C1orf167: variants seen among roughly 807,000 people sequenced by gnomAD.
C1orf167 encodes chromosome 1 open reading frame 167.
In C1orf167, 153 loss-of-function variants were observed where a neutral mutation model predicts 176.5. That is an observed-to-expected ratio of 0.87 (90% confidence interval 0.76 to 0.99). The LOEUF (loss-of-function observed/expected upper bound fraction) is 0.99, where lower values mean the gene tolerates loss of function less well. Ranked by LOEUF, C1orf167 falls within the 50% of genes least tolerant of loss-of-function variation. C1orf167 has a pLI of 0.00. For missense variants in C1orf167, 1,490 were observed against 1,817.7 expected, an observed-to-expected ratio of 0.82 and a Z score of 3.28; for synonymous variants, 594 against 752.7, an observed-to-expected ratio of 0.79 and a Z score of 3.45.
intron 6 of C1orf167, among the ~76,000 whole-genome samples, chr1:11,770,449 C>CT (rs35237748): frequency 0.62 from 87,821 of 142,648 alleles, 27,561 homozygotes; most frequent in East Asian, 0.77. Context: ...TTATATTTTT[C>CT]TTTTTTTTTT....
Position 11,766,538 on chromosome 1 carries a change from C to A in C1orf167, c.752C>A (p.Ala251Glu). The A allele has an allele frequency of 8.0e-7, 1 of 1,246,474 alleles. No homozygotes were observed. The allele number at this position is 1,246,474 out of a possible 1,614,324, so 77.2% of individuals were successfully genotyped here. A position where few individuals can be genotyped will look rare whatever the true frequency, so the allele number is the denominator to read the frequency against. The part of the protein sequence containing the change: ...LASVHCLAQE[A>E]ARLRCQAPQE... Reference sequence around the variant, plus strand: ...TCTGTACATTGCCTGGCGCAGGAGGCAGCCCGACTCAGGTGCCAGGCTCCC... The same window carrying A: ...TCTGTACATTGCCTGGCGCAGGAGGAAGCCCGACTCAGGTGCCAGGCTCCC... The change falls in exon 3 of 21, where the codon GCA (alanine) becomes GAA (glutamate). Residue 251 changes from alanine (A) to glutamate (E), a missense_variant. Physicochemically the swap from Ala to Glu is moderately radical, Grantham distance 107. Transcript: ENST00000688073. This position sits in a 1 kb window ranked among gnomAD's most constrained non-coding sequence, Gnocchi z 4.5.
At position 11,780,010 on chromosome 1, in the gene C1orf167, G is replaced by A. The variant is rs183572607; in HGVS notation, c.2860G>A (p.Gly954Arg). Reference sequence around the variant, plus strand: ...ATGCCACTGGCACTCCTGTTGGCAGGGTGAGTGGAGACTTGGTCGGGGGCA... The same window carrying A: ...ATGCCACTGGCACTCCTGTTGGCAGAGTGAGTGGAGACTTGGTCGGGGGCA... ...ALCHWHSCWQGQQFLHEKCQT... is the reference protein window; with the variant it reads ...ALCHWHSCWQRQQFLHEKCQT... Residue 954 changes from glycine (G) to arginine (R), a missense_variant and splice_region_variant, in exon 13 of 21, where the codon GGG becomes AGG. Physicochemically the swap from Gly to Arg is moderately radical, Grantham distance 125. Coordinates refer to ENST00000688073, the MANE Select transcript of C1orf167 (RefSeq NM_001010881.2). 245 of 1,275,682 alleles carry A rather than the reference G, an allele frequency of 1.9e-4. 1 individual carries two copies. Among genetic ancestry groups the A allele is most frequent in the Non-Finnish European group, 5.0e-5 (49 of 970,446 alleles). 79.0% of individuals were successfully genotyped at this position (1,275,682 alleles called of 1,614,324 possible). A position where few individuals can be genotyped will look rare whatever the true frequency, so the allele number is the denominator to read the frequency against.
rs548341576 is a variant in C1orf167 at position 11,763,805 on chromosome 1, A to G, written c.-70-526A>G. ...GTGGCAGGTGAGGGCCACTCCGCCC[A>G]GTGCTCCAGGGGTCAGATCCTGGAT... On this transcript the variant is annotated intron_variant, in intron 1 of 20. Coordinates refer to ENST00000688073, the MANE Select transcript of C1orf167 (RefSeq NM_001010881.2). Among the ~76,000 whole-genome samples, 224 of 152,332 alleles carry G rather than the reference A, an allele frequency of 1.5e-3. 1 individual carries two copies. The highest frequency in any genetic ancestry group is 5.2e-3 in the African/African-American group (215 of 41,586).
chr1:11,785,675 T>TA (rs1643830153), intron 16 of C1orf167: 1 of 163,498 alleles, frequency 6.1e-6, no homozygotes, highest in Non-Finnish European at 1.4e-5. Flanking sequence ...ATGCATGCTT[T>TA]CTCACGGTGC....
chr1:11,775,437 G>A lies in C1orf167; in HGVS notation c.1991G>A (p.Cys664Tyr), dbSNP rs1205521494. The A allele has an allele frequency of 2.3e-6, 3 of 1,297,284 alleles. No homozygotes were observed. The highest frequency in any genetic ancestry group is 3.0e-6 in the Non-Finnish European group (3 of 985,336). 80.4% of individuals were successfully genotyped at this position (1,297,284 alleles called of 1,614,324 possible). A position where few individuals can be genotyped will look rare whatever the true frequency, so the allele number is the denominator to read the frequency against. ...PQHQRAWLCR[C>Y]FGAWQQFVQR... ...GTACTTTCCCTCTGTTCTCCCAGGT[G>A]CTTCGGGGCGTGGCAGCAGTTCGTG... Residue 664 changes from cysteine to tyrosine, a missense_variant and splice_region_variant, in exon 9 of 21, where the codon TGC becomes TAC. Transcript: ENST00000688073.
intron 15 of C1orf167, 146 bp downstream of exon 15, chr1:11,784,739 C>T (rs1265528420): frequency 7.6e-6 from 7 of 924,850 alleles, no homozygotes; most frequent in Admixed American, 4.0e-5. Flanking sequence ...GGAGAGGCCG[C>T]CCTGGCCATC....
chr1:11,769,948 C>T lies in C1orf167; in HGVS notation c.1697+821C>T, dbSNP rs553205010. On this transcript the variant is annotated intron_variant, in intron 6 of 20. Transcript: ENST00000688073. ...TGGGATTACAGGCATGAGCCAGCCA[C>T]CACGCCTGGCCAGGAAGATTTTTTA... Among the ~76,000 whole-genome samples the T allele has an allele frequency of 1.3e-4, 20 of 152,162 alleles. No homozygotes were observed. The South Asian group carries it at 3.5e-3, about 27-fold the overall frequency.
intron 13 of C1orf167, among the ~76,000 whole-genome samples, chr1:11,780,687 C>T (rs1643553451): frequency 6.6e-6 from 1 of 152,164 alleles, no homozygotes; most frequent in Non-Finnish European, 1.5e-5. Flanking sequence ...CTGGTCGGAG[C>T]CCTGAGTTGG....
At chr1:11,781,436 T>C (rs1643598112) in intron 13 of C1orf167, among the ~76,000 whole-genome samples, 1 of 152,162 alleles carries the variant, frequency 6.6e-6, no homozygotes. Flanking sequence ...CAGGATGCTG[T>C]CTTGGAGGCT....
chr1:11,769,515 C>CT (rs1455808558), intron 6 of C1orf167, among the ~76,000 whole-genome samples: 4 of 151,986 alleles, frequency 2.6e-5, no homozygotes, highest in Non-Finnish European at 4.4e-5. Context: ...CTGCAGTGAG[C>CT]TATGATCATG....
rs1473708213 is a variant in C1orf167 at position 11,766,569 on chromosome 1, AC to A, written c.789del (p.Gly264ValfsTer61). 6.4e-6 allele frequency: 8 copies of A among 1,247,600 alleles called. No homozygotes were observed. Among genetic ancestry groups the A allele is most frequent in the Middle Eastern group, 4.8e-4 (2 of 4,182 alleles). The allele number at this position is 1,247,600 out of a possible 1,614,324, so 77.3% of individuals were successfully genotyped here. ...GACTCAGGTGCCAGGCTCCCCAGGA[AC>A]CCCCCGGTGCTGTGCAGCAGGACCT... ...ARLRCQAPQE[P>X]PGAVQQDLWT... On this transcript the variant is annotated frameshift_variant, in exon 3 of 21. Coordinates refer to ENST00000688073, the MANE Select transcript of C1orf167 (RefSeq NM_001010881.2). LOFTEE classifies it high-confidence loss of function. The surrounding 1 kb of genome is among the most constrained non-coding windows in gnomAD (Gnocchi z 4.5).
chr1:11,785,107 GC>G, intron 15 of C1orf167, 40 bp from the exon 16 acceptor site: 2 of 1,263,142 alleles, frequency 1.6e-6, no homozygotes, highest in Non-Finnish European at 2.1e-6. Context: ...GAGAGTCCTG[GC>G]CTTTATGGCC....
At chr1:11,763,393 C>G (rs969523625) in intron 1 of C1orf167, among the ~76,000 whole-genome samples, 1 of 149,212 alleles carries the variant, frequency 6.7e-6, no homozygotes, top group African/African-American at 2.5e-5. Context: ...TGCAGTGAGC[C>G]GGGATCACGC....
Position 11,782,177 on chromosome 1 carries a change from C to T in C1orf167, c.2861-12C>T. The T allele has an allele frequency of 7.9e-7, 1 of 1,265,108 alleles. No homozygotes were observed. The highest frequency in any genetic ancestry group is 1.0e-6 in the Non-Finnish European group (1 of 970,274). 78.4% of individuals were successfully genotyped at this position (1,265,108 alleles called of 1,614,324 possible). On this transcript the variant is annotated splice_polypyrimidine_tract_variant and intron_variant, in intron 13 of 20. Transcript: ENST00000688073. ...AGCACCCAGTGGCTCTTCAGCATCT[C>T]TCTGGCCCCAGGGCAGCAGTTCCTG...
At chr1:11,787,244 T>C (rs1429850913) in intron 16 of C1orf167, 144 bp from the exon 17 acceptor site, 7 of 325,548 alleles carry the variant, frequency 2.2e-5, no homozygotes, top group Non-Finnish European at 3.4e-5. Context: ...CACCCCATTG[T>C]TGGAATGTCT....
Position 11,788,011 on chromosome 1 carries a change from G to A in C1orf167, c.3812G>A (p.Cys1271Tyr). 7.7e-7 allele frequency: 1 copy of A among 1,302,946 alleles called. No homozygotes were observed. Among genetic ancestry groups the A allele is most frequent in the South Asian group, 1.2e-5 (1 of 80,864 alleles). The allele number at this position is 1,302,946 out of a possible 1,614,324, so 80.7% of individuals were successfully genotyped here. The change falls in exon 18 of 21, where the codon TGC becomes TAC. Residue 1271 changes from cysteine to tyrosine, a missense_variant. Coordinates refer to ENST00000688073, the MANE Select transcript of C1orf167 (RefSeq NM_001010881.2). ...CACTCCAGCCCTGAGCCCAGAGCCT[G>A]CAAAGCCCAAAGCAAGGCCCATAAA... ...RAHSSPEPRA[C>Y]KAQSKAHKRR...
rs1458090929 is a variant in C1orf167, at chr1:11,762,262, C to G, written c.-114C>G. 13 of 426,862 alleles carry G rather than the reference C, an allele frequency of 3.0e-5. No individual in the cohort carries two copies. The highest frequency in any genetic ancestry group is 2.0e-4 in the South Asian group (12 of 60,810). 26.4% of individuals were successfully genotyped at this position (426,862 alleles called of 1,614,324 possible). ...AGCGGTCCCAGCCCCCGTCTAGATT[C>G]AAATCCGACTGGGTGAAGGAGGACC... On this transcript the variant is annotated 5_prime_UTR_variant, in exon 1 of 21. Transcript: ENST00000688073.
rs942710082 is a variant in C1orf167, at chr1:11,768,764, C to T, written c.1543-209C>T. 2.0e-5 allele frequency among the ~76,000 whole-genome samples: 3 copies of T among 152,094 alleles called. No homozygotes were observed. Among genetic ancestry groups the T allele is most frequent in the Non-Finnish European group, 2.9e-5 (2 of 68,020 alleles). ...CGCAGCTTTCATCTTTTAAGGAAAG[C>T]GTTGCCTCTTGGGATGCATCGCTCT... On this transcript the variant is annotated intron_variant, in intron 5 of 20. Transcript: ENST00000688073. This position sits in a 1 kb window ranked among gnomAD's most constrained non-coding sequence, Gnocchi z 4.5.
At position 11,762,200 on chromosome 1, in the gene C1orf167, C is replaced by T. The variant is rs1161879664; in HGVS notation, c.-176C>T. Reference sequence around the variant, plus strand: ...CAGCACGCTCTGCTCTCCGACGTCCCCTCCCGCCCGCGACCTGCCGACCTG... The same window carrying T: ...CAGCACGCTCTGCTCTCCGACGTCCTCTCCCGCCCGCGACCTGCCGACCTG... On this transcript the variant is annotated 5_prime_UTR_variant, in exon 1 of 21. Coordinates refer to ENST00000688073, the MANE Select transcript of C1orf167 (RefSeq NM_001010881.2). The T allele has an allele frequency of 6.7e-6, 3 of 448,634 alleles. No homozygotes were observed. Among genetic ancestry groups the T allele is most frequent in the South Asian group, 3.1e-5 (2 of 64,366 alleles). The allele number at this position is 448,634 out of a possible 1,614,324, so 27.8% of individuals were successfully genotyped here.
Sources: allele counts gnomAD v4.1 joint callset (sites outside exome capture counted in the v4.1 genomes callset), GRCh38; gene constraint gnomAD v4.1.1; non-coding constraint Gnocchi (gnomAD v3.1); transcripts MANE v1.5; gene names NCBI Gene and HGNC (gene_info 2026-07-23, HGNC 2026-07-21).